Variants in RAI1 observed in about 807,000 individuals in gnomAD.
RAI1 encodes the protein retinoic acid induced 1, also known as retinoic acid-induced protein 1.
Under a neutral mutation model 123.8 loss-of-function variants are expected in RAI1, and 9 were observed. The observed-to-expected ratio is 0.07, with a 90% CI of 0.04 to 0.13. The LOEUF is 0.13. Ranked by LOEUF, RAI1 falls within the 10% of genes least tolerant of loss-of-function variation. The probability of loss-of-function intolerance (pLI) is 1.00; values close to 1 mark genes in which losing one functional copy is unlikely to be tolerated. For synonymous variants in RAI1, 1,231 were observed against 1,127.3 expected (o/e 1.09, Z -1.84); for missense variants, 2,256 against 2,545.8 (o/e 0.89, Z 2.45).
At position 17,797,400 on chromosome 17, in the gene RAI1, A is replaced by T; in HGVS notation, c.4452A>T (p.Thr1484=). The T allele has an allele frequency of 6.2e-7, 1 of 1,612,782 alleles. No homozygotes were observed. The highest frequency in any genetic ancestry group is 1.3e-5 in the African/African-American group (1 of 74,928). The change falls in exon 3 of 6, where the codon ACA becomes ACT. Residue 1484 remains threonine, a synonymous_variant. Coordinates refer to ENST00000353383, the MANE Select transcript of RAI1 (RefSeq NM_030665.4). ...CTCCCCGAGACAGGGCCAGTGGCAC[A>T]CAAGGGGCCAGTGAGGACAACTCTG... ...LLTPRDRASG[T]QGASEDNSGG...
chr17:17,786,996 G>A (rs1243471851), intron 2 of RAI1, among the ~76,000 whole-genome samples: 5 of 152,196 alleles, frequency 3.3e-5, no homozygotes, highest in African/African-American at 1.2e-4. Context: ...AGCCCAGATC[G>A]CGCCATTACA....
At chr17:17,802,503 G>A (rs1043523744) in intron 3 of RAI1, among the ~76,000 whole-genome samples, 7 of 152,300 alleles carry the variant, frequency 4.6e-5, no homozygotes, top group Admixed American at 4.6e-4. Context: ...GCGGCCAGGC[G>A]CGGTGGCTCA....
At chr17:17,759,018 C>T (rs1169539331) in intron 2 of RAI1, 1 of 152,314 alleles carries the variant, frequency 6.6e-6, no homozygotes, top group Non-Finnish European at 1.5e-5. Context: ...GGAAGGTTTT[C>T]AGCTGAGGAG....
chr17:17,804,646 G>A lies in RAI1; in HGVS notation c.5659+797G>A, dbSNP rs79382027. 3.6e-3 allele frequency among the ~76,000 whole-genome samples: 550 copies of A among 152,116 alleles called. 2 individuals are homozygous for A. The highest frequency in any genetic ancestry group is 0.013 in the African/African-American group (526 of 41,500). On this transcript the variant is annotated intron_variant, in intron 4 of 5. Transcript: ENST00000353383. ...CTTTGGCCTGGATTCAAACCCTAGT[G>A]GTGGGGGGTGGGGTGGTTTTCGTTC...
intron 1 of RAI1, among the ~76,000 whole-genome samples, chr17:17,708,975 C>T (rs116007118): frequency 1.3e-5 from 2 of 152,246 alleles, no homozygotes. Flanking sequence ...CCACCACGGG[C>T]CTTTCCTATC....
At chr17:17,769,773 G>C (rs2031077112) in intron 2 of RAI1, among the ~76,000 whole-genome samples, 1 of 152,170 alleles carries the variant, frequency 6.6e-6, no homozygotes, top group African/African-American at 2.4e-5. Flanking sequence ...GAGGCCTAAG[G>C]ACACCATGGA....
chr17:17,779,887 T>C (rs1438751195), intron 2 of RAI1, among the ~76,000 whole-genome samples: 4 of 149,462 alleles, frequency 2.7e-5, no homozygotes, highest in Non-Finnish European at 4.4e-5. Context: ...GCCATTCTCC[T>C]GCCTCAGCCT....
At chr17:17,745,184 C>T (rs983240083) in intron 2 of RAI1, among the ~76,000 whole-genome samples, 1 of 151,962 alleles carries the variant, frequency 6.6e-6, no homozygotes, top group Non-Finnish European at 1.5e-5. Context: ...AACTGGGACT[C>T]CACAGAGATC....
chr17:17,761,458 G>C (rs577734424), intron 2 of RAI1, among the ~76,000 whole-genome samples: 2 of 152,160 alleles, frequency 1.3e-5, no homozygotes, highest in African/African-American at 4.8e-5. Flanking sequence ...CAGCAGGCTC[G>C]CTGGGAGGCT....
At chr17:17,766,761 A>G (rs1326815997) in intron 2 of RAI1, among the ~76,000 whole-genome samples, 5 of 152,244 alleles carry the variant, frequency 3.3e-5, no homozygotes, top group African/African-American at 9.6e-5. Flanking sequence ...AGCCTGGCAC[A>G]GGAATCGGTG....
chr17:17,752,991 T>TG (rs1363389765), intron 2 of RAI1, among the ~76,000 whole-genome samples: 1 of 152,180 alleles, frequency 6.6e-6, no homozygotes, highest in African/African-American at 2.4e-5. Context: ...GCTTCCTTGG[T>TG]GGGTGGTGCC....
At chr17:17,696,537 T>C (rs1915044130) in intron 1 of RAI1, among the ~76,000 whole-genome samples, 2 of 152,226 alleles carry the variant, frequency 1.3e-5, no homozygotes, top group African/African-American at 4.8e-5. Flanking sequence ...CTGAACCACG[T>C]TCTTGGGAGA....
intron 2 of RAI1, among the ~76,000 whole-genome samples, chr17:17,780,658 A>AATCT: frequency 6.6e-6 from 1 of 152,268 alleles, no homozygotes; most frequent in Non-Finnish European, 1.5e-5. Context: ...AGAGAAGTAA[A>AATCT]ATCTATTGAG....
chr17:17,803,988 T>C (rs1428910624), intron 4 of RAI1, 139 bp downstream of exon 4: 5 of 859,312 alleles, frequency 5.8e-6, no homozygotes, highest in Admixed American at 2.0e-5. Flanking sequence ...GCAATTCTTT[T>C]ATCCTTCTGT....
intron 2 of RAI1, among the ~76,000 whole-genome samples, chr17:17,780,044 G>A (rs1442916848): frequency 4.9e-5 from 7 of 141,774 alleles, no homozygotes; most frequent in Non-Finnish European, 7.6e-5. Context: ...CAAAGTGCTC[G>A]GATTACAGGA....
At chr17:17,807,498 G>C (rs1394910821) in intron 4 of RAI1, among the ~76,000 whole-genome samples, 1 of 152,240 alleles carries the variant, frequency 6.6e-6, no homozygotes, top group East Asian at 1.9e-4. Context: ...GCAGGCAGAG[G>C]CTGCTACACC....
At position 17,796,778 on chromosome 17, in the gene RAI1, A is replaced by G. The variant is rs773108532; in HGVS notation, c.3830A>G (p.Lys1277Arg). The stretch of plus-strand genomic sequence containing the variant: ...CTCTTCAAGAGGATGTCTTCTCCCA[A>G]GAAAGCCAAGCCCACCAAGGGCAAT... The part of the protein sequence containing the change: ...PTLFKRMSSP[K>R]KAKPTKGNGE... Residue 1277 changes from lysine (K) to arginine (R), a missense_variant, in exon 3 of 6, where the codon AAG (lysine) becomes AGG (arginine). Physicochemically the swap from Lys to Arg is conservative, Grantham distance 26. Around this residue, in one of 7 missense-constraint regions of RAI1, gnomAD observed 322 missense variants for 358.0 expected, o/e 0.90. Coordinates refer to ENST00000353383, the MANE Select transcript of RAI1 (RefSeq NM_030665.4). The surrounding 1 kb of genome is among the most constrained non-coding windows in gnomAD (Gnocchi z 5.8). 5 of 1,612,880 alleles carry G rather than the reference A, an allele frequency of 3.1e-6. No individual in the cohort carries two copies. Among genetic ancestry groups the G allele is most frequent in the Non-Finnish European group, 4.2e-6 (5 of 1,179,690 alleles).
intron 3 of RAI1, among the ~76,000 whole-genome samples, chr17:17,803,106 AAAG>A (rs908337582): frequency 2.0e-5 from 3 of 151,664 alleles, no homozygotes; most frequent in Admixed American, 2.0e-4. Flanking sequence ...AAAAAAAAAA[AAAG>A]CAAGCCAGTG....
chr17:17,786,934 G>A (rs1444862122), intron 2 of RAI1, among the ~76,000 whole-genome samples: 1 of 152,350 alleles, frequency 6.6e-6, no homozygotes, highest in South Asian at 2.1e-4. Context: ...TTAGCTGGGC[G>A]TTGTGGCACA....
Sources: gnomAD v4.1 joint callset for allele counts (sites outside exome capture counted in the v4.1 genomes callset) on GRCh38, gnomAD v4.1.1 for gene constraint, gnomAD v4.1.1 regional missense constraint, Gnocchi (gnomAD v3.1) non-coding constraint, MANE v1.5 for transcripts, NCBI Gene and HGNC (gene_info 2026-07-23, HGNC 2026-07-21) for gene names.